The following FZR1 variants were observed in gnomAD, a reference collection of about 807,000 sequenced individuals.
FZR1 encodes the protein fizzy and cell division cycle 20 related 1.
A neutral mutation model predicts 63.6 loss-of-function variants in FZR1; 11 were observed. The observed-to-expected ratio is 0.17, with a 90% CI of 0.11 to 0.29. The LOEUF (loss-of-function observed/expected upper bound fraction) is 0.29. FZR1 is among the 10% of genes least tolerant of loss of function. The pLI is 1.00. For synonymous variants in FZR1, 328 were observed against 297.9 expected (o/e 1.10, Z -1.04); for missense variants, 440 against 687.5 (o/e 0.64, Z 4.03).
At chr19:3,532,735 GGGGAGATGGGTCAGAGTCGCTCTGAA>G in intron 11 of FZR1, 85 bp downstream of exon 11, 3 of 920,224 alleles carry the variant, frequency 3.3e-6, no homozygotes, top group Non-Finnish European at 5.2e-6. Flanking sequence ...AGCAGCCTGT[GGGGAGATGGGTCAGAGTCGCTCTGAA>G]GGGAGATGGG....
Position 3,527,024 on chromosome 19 carries a change from T to C in FZR1, c.432T>C (p.Asp144=). The C allele has an allele frequency of 1.2e-6, 2 of 1,612,648 alleles. No individual in the cohort carries two copies. The highest frequency in any genetic ancestry group is 1.7e-5 in the Admixed American group (1 of 60,016). ...GCTCCAGCCCCGATGACGGCAACGA[T>C]GTGTCTCCCTACTCCCTGTCTCCCG... is the stretch of plus-strand genomic sequence containing the variant. The part of the protein sequence containing the change: ...TKRSSPDDGN[D]VSPYSLSPVS... Residue 144 remains aspartate, a synonymous_variant, in exon 6 of 14, where the codon GAT becomes GAC. Transcript: ENST00000441788.
At chr19:3,523,956 C>T (rs2083127772) in intron 2 of FZR1, among the ~76,000 whole-genome samples, 3 of 152,244 alleles carry the variant, frequency 2.0e-5, no homozygotes, top group Admixed American at 2.0e-4. Context: ...CGGTGCGGCC[C>T]CCACAGGGCA....
At chr19:3,521,502 T>C (rs1752457117) in intron 1 of FZR1, among the ~76,000 whole-genome samples, 1 of 150,372 alleles carries the variant, frequency 6.7e-6, no homozygotes, top group Non-Finnish European at 1.5e-5. Flanking sequence ...CACTGAACTG[T>C]ACGCTTTTTT....
chr19:3,530,693 TGA>T, intron 7 of FZR1, 97 bp from the exon 8 acceptor site: 1 of 821,900 alleles, frequency 1.2e-6, no homozygotes, highest in South Asian at 1.6e-5. Context: ...GGAGAGTGGA[TGA>T]GAGTGGATGG....
At chr19:3,518,396 C>A (rs1438329541) in intron 1 of FZR1, among the ~76,000 whole-genome samples, 1 of 152,168 alleles carries the variant, frequency 6.6e-6, no homozygotes, top group Non-Finnish European at 1.5e-5. Flanking sequence ...ATTTGCATTA[C>A]AAAGTTTTTC....
At chr19:3,507,879 A>G (rs2082996792) in intron 1 of FZR1, among the ~76,000 whole-genome samples, 1 of 152,244 alleles carries the variant, frequency 6.6e-6, no homozygotes, top group South Asian at 2.1e-4. Flanking sequence ...CGGAATCCCA[A>G]GTGGAGGCAG....
In FZR1 at chr19:3,524,501, A is replaced by C. The variant is rs1599781575; in HGVS notation, c.70-1367A>C. On this transcript the variant is annotated intron_variant, in intron 2 of 13. Transcript: ENST00000441788. ...TGGAGAGACAGCCCTGGAACCCTCC[A>C]AAGTGTCAAGGCCATGACTGCGTCA... Among the ~76,000 whole-genome samples, 4 of 152,356 alleles carry C rather than the reference A, an allele frequency of 2.6e-5. No homozygotes were observed. The East Asian group carries it at 5.8e-4, about 22-fold the overall frequency.
chr19:3,530,441 AGAGCGCATGGGAGAGCGCATGGAT>A lies in FZR1; in HGVS notation c.655-328_655-305del, dbSNP rs1430059405. 1.9e-3 allele frequency among the ~76,000 whole-genome samples: 145 copies of A among 75,032 alleles called. 8 individuals carry two copies. The highest frequency in any genetic ancestry group is 4.9e-3 in the South Asian group (9 of 1,832). The allele number at this position is 75,032 out of a possible 152,430, so 49.2% of individuals were successfully genotyped here. On this transcript the variant is annotated intron_variant, in intron 7 of 13. Transcript: ENST00000441788. ...GAGAGCGCATGGGAGAGCGGATGGGAGAGCGCATGGGAGAGCGCATGGATGAGCGCATGGGAGAGCGCATGGGTG... is the reference window on the plus strand; with the variant it reads ...GAGAGCGCATGGGAGAGCGGATGGGAGAGCGCATGGGAGAGCGCATGGGTG...
rs1353519166 is a variant in FZR1, at chr19:3,525,474, G to T, written c.70-394G>T. 8.6e-6 allele frequency among the ~76,000 whole-genome samples: 1 copy of T among 115,986 alleles called. No individual in the cohort carries two copies. The highest frequency in any genetic ancestry group is 3.4e-5 in the African/African-American group (1 of 28,986). The allele number at this position is 115,986 out of a possible 152,430, so 76.1% of individuals were successfully genotyped here. On this transcript the variant is annotated intron_variant, in intron 2 of 13. Coordinates refer to ENST00000441788, the MANE Select transcript of FZR1 (RefSeq NM_016263.4). This position sits in a 1 kb window ranked among gnomAD's most constrained non-coding sequence, Gnocchi z 4.2. ...TTTTTTTTTTTTGAGACGGAGTCTC[G>T]CTCTGTCGCCCAGGCTGGAGTGCAG...
At chr19:3,513,466 T>A (rs1307412272) in intron 1 of FZR1, among the ~76,000 whole-genome samples, 1 of 152,178 alleles carries the variant, frequency 6.6e-6, no homozygotes, top group Non-Finnish European at 1.5e-5. Context: ...TGGATTCACG[T>A]CCCAGCTCTA....
At position 3,516,061 on chromosome 19, in the gene FZR1, G is replaced by A. The variant is rs2083056758; in HGVS notation, c.-34-6895G>A. Among the ~76,000 whole-genome samples, 2 of 152,228 alleles carry A rather than the reference G, an allele frequency of 1.3e-5. No homozygotes were observed. The highest frequency in any genetic ancestry group is 2.9e-5 in the Non-Finnish European group (2 of 68,048). ...CTGAGTTTCTAAGGATAAATTCTTA[G>A]AAGTAGAAATACCGCATCACAGAGG... On this transcript the variant is annotated intron_variant, in intron 1 of 13. Transcript: ENST00000441788. This position sits in a 1 kb window ranked among gnomAD's most constrained non-coding sequence, Gnocchi z 6.0.
chr19:3,517,272 C>G (rs753033945), intron 1 of FZR1, among the ~76,000 whole-genome samples: 1 of 152,092 alleles, frequency 6.6e-6, no homozygotes, highest in Admixed American at 6.5e-5. Flanking sequence ...CACCTGTGGT[C>G]GCAGCTCCTC....
chr19:3,532,740 G>T, intron 11 of FZR1, 90 bp downstream of exon 11: 2 of 898,520 alleles, frequency 2.2e-6, no homozygotes, highest in Non-Finnish European at 3.6e-6. Context: ...CCTGTGGGGA[G>T]ATGGGTCAGA....
Position 3,522,948 on chromosome 19 carries a change from C to G in FZR1, c.-34-8C>G. 1 of 1,471,584 alleles carries G rather than the reference C, an allele frequency of 6.8e-7. No individual in the cohort carries two copies. The allele number at this position is 1,471,584 out of a possible 1,614,324, so 91.2% of individuals were successfully genotyped here. A position where few individuals can be genotyped will look rare whatever the true frequency, so the allele number is the denominator to read the frequency against. ...CCCCACTCACCTCTCCTGCCCTTCC[C>G]GCTGCAGGCTAACCTTGCCGCGGGC... On this transcript the variant is annotated splice_polypyrimidine_tract_variant and splice_region_variant and intron_variant, in intron 1 of 13. Transcript: ENST00000441788.
At chr19:3,528,059 C>T (rs542139946) in intron 7 of FZR1, among the ~76,000 whole-genome samples, 1 of 152,092 alleles carries the variant, frequency 6.6e-6, no homozygotes, top group Admixed American at 6.5e-5. Flanking sequence ...AGCCATGGCC[C>T]TCCCAGCCAC....
rs568929503 is a variant in FZR1 at position 3,536,495 on chromosome 19, T to C, written c.*1659T>C. 2.6e-5 allele frequency: 4 copies of C among 152,324 alleles called. No homozygotes were observed. In the South Asian group the frequency reaches 6.2e-4, roughly 24 times the overall value. 9.4% of individuals were successfully genotyped at this position (152,324 alleles called of 1,614,324 possible). On this transcript the variant is annotated 3_prime_UTR_variant, in exon 14 of 14. Transcript: ENST00000441788. ...AGAAAACCAACCCTGCCTTCGCCCA[T>C]GCCCGCCCCTGCCCGCAGTTGCCAA...
At chr19:3,534,247 A>T in intron 12 of FZR1, 174 bp from the exon 13 acceptor site, 3 of 429,446 alleles carry the variant, frequency 7.0e-6, no homozygotes, top group Non-Finnish European at 1.2e-5. Context: ...AAAAAAAAAA[A>T]GGCTCCAACC....
At position 3,534,779 on chromosome 19, in the gene FZR1, C is replaced by T. The variant is rs2083280528; in HGVS notation, c.1441-16C>T. 6.2e-7 allele frequency: 1 copy of T among 1,611,566 alleles called. No homozygotes were observed. The highest frequency in any genetic ancestry group is 8.5e-7 in the Non-Finnish European group (1 of 1,178,582). On this transcript the variant is annotated splice_polypyrimidine_tract_variant and intron_variant, in intron 13 of 13. Coordinates refer to ENST00000441788, the MANE Select transcript of FZR1 (RefSeq NM_016263.4). ...GCCTGCGGCTCAGCGCATCTGCCAT[C>T]CCCATGTGTCTGCAGGAGTCTGTGT...
rs1453955780 is a variant in FZR1, at chr19:3,532,468, C to T, written c.1060C>T (p.His354Tyr). Residue 354 changes from histidine to tyrosine, a missense_variant, in exon 11 of 14, where the codon CAC becomes TAC. By Grantham distance (83) the His-to-Tyr change is moderately conservative (BLOSUM62 2). This residue lies in a region of FZR1 where 208 missense variants were observed against 363.6 expected (regional missense o/e 0.57). Coordinates refer to ENST00000441788, the MANE Select transcript of FZR1 (RefSeq NM_016263.4). ...SLSPVQQYTE[H>Y]LAAVKAIAWS... ...GAGCCCCGTGCAGCAGTACACGGAG[C>T]ACCTGGCGGCCGTGAAGGCCATCGC... 3 of 1,602,352 alleles carry T rather than the reference C, an allele frequency of 1.9e-6. No individual in the cohort carries two copies. The highest frequency in any genetic ancestry group is 2.6e-6 in the Non-Finnish European group (3 of 1,173,054).
Sources: allele counts gnomAD v4.1 joint callset (sites outside exome capture counted in the v4.1 genomes callset), GRCh38; gene constraint gnomAD v4.1.1; regional missense constraint gnomAD v4.1.1; non-coding constraint Gnocchi (gnomAD v3.1); transcripts MANE v1.5; gene names NCBI Gene and HGNC (gene_info 2026-07-23, HGNC 2026-07-21).